PTPN13: variants seen among roughly 807,000 people sequenced by gnomAD.
PTPN13 encodes tyrosine-protein phosphatase non-receptor type 13.
In PTPN13, 191 loss-of-function variants were observed where a neutral mutation model predicts 284.0. That is an observed-to-expected ratio of 0.67 (90% CI 0.60 to 0.76). The LOEUF is 0.76. Among genes scored for constraint, PTPN13 ranks in the 30% least tolerant of loss-of-function variants. The pLI, the probability that PTPN13 is intolerant of heterozygous loss-of-function variation, is 0.00. For synonymous variants in PTPN13, 986 were observed against 1,022.3 expected, an observed-to-expected ratio of 0.96 and a Z score of 0.68; for missense variants, 2,797 against 2,939.9, an observed-to-expected ratio of 0.95 and a Z score of 1.12.
intron 41 of PTPN13, among the ~76,000 whole-genome samples, chr4:86,798,542 C>T (rs1370172530): frequency 6.6e-6 from 1 of 152,046 alleles, no homozygotes; most frequent in Admixed American, 6.6e-5. Flanking sequence ...CGTTCTCCTA[C>T]CTAGTTTCTC....
chr4:86,717,112 A>G lies in PTPN13; in HGVS notation c.1380A>G (p.Arg460=), dbSNP rs752497992. ...CCTTAAGTCAAGGCCAGTCACAGAG[A>G]CCGAGGTATGTCATGAAAAAGTAGT... is the stretch of plus-strand genomic sequence containing the variant. ...DETLSQGQSQ[R]PSRQYETPFE... Residue 460 remains arginine (R), a synonymous_variant, in exon 9 of 48, where the codon AGA becomes AGG. Transcript: ENST00000411767. The G allele has an allele frequency of 6.2e-7, 1 of 1,607,650 alleles. No homozygotes were observed. Among genetic ancestry groups the G allele is most frequent in the Admixed American group, 1.7e-5 (1 of 59,914 alleles).
intron 2 of PTPN13, among the ~76,000 whole-genome samples, chr4:86,656,700 T>C (rs2086541): frequency 0.83 from 126,442 of 152,204 alleles, 52,873 homozygotes; most frequent in East Asian, 0.89. Flanking sequence ...GCAGTCTGTC[T>C]GTTCTCAGAT....
intron 3 of PTPN13, among the ~76,000 whole-genome samples, chr4:86,676,326 T>G (rs943184630): frequency 3.3e-5 from 5 of 152,216 alleles, no homozygotes; most frequent in Non-Finnish European, 5.9e-5. Flanking sequence ...CTCACATCCA[T>G]TACAATGGCT....
At chr4:86,768,004 C>T in intron 28 of PTPN13, 28 bp downstream of exon 28, 1 of 1,583,000 alleles carries the variant, frequency 6.3e-7, no homozygotes. Flanking sequence ...TACAATCTCA[C>T]CTTTAAATTA....
At chr4:86,717,138 G>A (rs755730500) in intron 9 of PTPN13, 21 bp downstream of exon 9, 3 of 1,509,812 alleles carry the variant, frequency 2.0e-6, no homozygotes, top group East Asian at 2.3e-5. Context: ...AAAAAGTAGT[G>A]ATGATACATT....
At chr4:86,718,454 A>ATTTTTTTTTTTTTTTTTTT (rs1309592486) in intron 9 of PTPN13, among the ~76,000 whole-genome samples, 1 of 136,064 alleles carries the variant, frequency 7.3e-6, no homozygotes, top group Non-Finnish European at 1.7e-5. Context: ...TTAATGGTCC[A>ATTTTTTTTTTTTTTTTTTT]CTTTTTTTTT....
chr4:86,636,987 T>C (rs1723099450), intron 2 of PTPN13, among the ~76,000 whole-genome samples: 1 of 151,498 alleles, frequency 6.6e-6, no homozygotes, highest in African/African-American at 2.4e-5. Context: ...TAAAAAATGA[T>C]AAAGGGGATA....
chr4:86,754,731 T>C (rs1444469123), intron 20 of PTPN13, among the ~76,000 whole-genome samples: 1 of 152,066 alleles, frequency 6.6e-6, no homozygotes, highest in Non-Finnish European at 1.5e-5. Context: ...TTAAATGTGT[T>C]TTAGCTTAGA....
intron 7 of PTPN13, among the ~76,000 whole-genome samples, chr4:86,705,399 A>G (rs965993362): frequency 1.3e-5 from 2 of 151,824 alleles, no homozygotes; most frequent in East Asian, 3.9e-4. Context: ...TTTAGCTACT[A>G]TACAAAGAAA....
At chr4:86,701,900 C>A in intron 7 of PTPN13, 99 bp downstream of exon 7, 1 of 1,222,444 alleles carries the variant, frequency 8.2e-7, no homozygotes, top group Non-Finnish European at 1.1e-6. Flanking sequence ...GTCTTATTTT[C>A]ACTGCCAAAT....
Position 86,775,300 on chromosome 4 carries a change from T to C in PTPN13, c.5638T>C (p.Leu1880=), listed in dbSNP as rs2149286986. 2 of 1,613,356 alleles carry C rather than the reference T, an allele frequency of 1.2e-6. No homozygotes were observed. The highest frequency in any genetic ancestry group is 4.5e-5 in the East Asian group (2 of 44,874). Residue 1880 remains leucine (L), a synonymous_variant, in exon 34 of 48, where the codon TTG becomes CTG. Transcript: ENST00000411767. The part of the protein sequence containing the change: ...ELPRIPMLPH[L]LPDITLTCNK... ...ACCCAGAATACCAATGTTGCCTCAT[T>C]TGCTACCGGACATAACACTAACGTG... is the stretch of plus-strand genomic sequence containing the variant.
intron 1 of PTPN13, among the ~76,000 whole-genome samples, chr4:86,611,649 A>C (rs549928536): frequency 7.5e-4 from 114 of 152,318 alleles, no homozygotes; most frequent in Admixed American, 3.6e-3. Context: ...ACCTCTACTT[A>C]CTACCTTGAG....
intron 3 of PTPN13, among the ~76,000 whole-genome samples, chr4:86,674,606 C>CTCATGAA (rs1276410192): frequency 2.6e-5 from 4 of 152,054 alleles, no homozygotes; most frequent in South Asian, 2.1e-4. Context: ...ATTCCATGAG[C>CTCATGAA]TACTTAAGAA....
chr4:86,769,874 G>A lies in PTPN13; in HGVS notation c.4595G>A (p.Arg1532Lys). The change falls in exon 29 of 48, where the codon AGG becomes AAG. Residue 1532 changes from arginine to lysine, a missense_variant. Coordinates refer to ENST00000411767, the MANE Select transcript of PTPN13 (RefSeq NM_080683.3). ...IPEQINASIV[R>K]VKKLFPGQPA... The stretch of plus-strand genomic sequence containing the variant: ...GAGCAAATTAATGCCAGCATAGTAA[G>A]GGTTAAAAAGCTCTTTCCTGGACAG... 6.2e-7 allele frequency: 1 copy of A among 1,613,884 alleles called. No individual in the cohort carries two copies. The highest frequency in any genetic ancestry group is 8.5e-7 in the Non-Finnish European group (1 of 1,179,834).
In PTPN13 at chr4:86,775,475, A is replaced by G; in HGVS notation, c.5714A>G (p.Tyr1905Cys). Residue 1905 changes from tyrosine to cysteine, a missense_variant, in exon 35 of 48, where the codon TAT (tyrosine) becomes TGT (cysteine). Transcript: ENST00000411767. ...FSLCGGHDSL[Y>C]QVVYISDINP... ...TTATGTGGAGGTCATGACAGCCTTT[A>G]TCAAGTGGTATATATTAGTGATATT... 2.5e-6 allele frequency: 4 copies of G among 1,609,348 alleles called. No homozygotes were observed. The highest frequency in any genetic ancestry group is 3.4e-6 in the Non-Finnish European group (4 of 1,175,754).
chr4:86,801,082 G>A (rs750909893), intron 42 of PTPN13, among the ~76,000 whole-genome samples: 19 of 152,174 alleles, frequency 1.2e-4, no homozygotes, highest in African/African-American at 1.9e-4. Context: ...ATAGCAAGAC[G>A]TTTCCCTTCC....
At chr4:86,751,003 C>T (rs1224681269) in intron 18 of PTPN13, 24 bp from the exon 19 acceptor site, 1 of 1,578,260 alleles carries the variant, frequency 6.3e-7, no homozygotes, top group South Asian at 1.1e-5. Context: ...ACACTTCCCT[C>T]CTACCTTCCT....
intron 2 of PTPN13, among the ~76,000 whole-genome samples, chr4:86,646,714 C>G (rs1724470431): frequency 6.6e-6 from 1 of 152,196 alleles, no homozygotes. Context: ...CTCCTAGTTA[C>G]TTACTTAAAA....
rs928065491 is a variant in PTPN13, at chr4:86,730,763, G to A, written c.1609-1637G>A. 2.3e-5 allele frequency among the ~76,000 whole-genome samples: 3 copies of A among 129,318 alleles called. No individual in the cohort carries two copies. In the East Asian group the frequency reaches 5.9e-4, roughly 25 times the overall value. 84.8% of individuals were successfully genotyped at this position (129,318 alleles called of 152,430 possible). ...TCCCTCTATCCCTTGGGCTTCCTGG[G>A]TGAGGTGATGCCCCGTCCGGCTTCA... is the stretch of plus-strand genomic sequence containing the variant. On this transcript the variant is annotated intron_variant, in intron 10 of 47. Transcript: ENST00000411767.
Sources: gnomAD v4.1 joint callset for allele counts (sites outside exome capture counted in the v4.1 genomes callset) on GRCh38, gnomAD v4.1.1 for gene constraint, MANE v1.5 for transcripts, NCBI Gene and HGNC (gene_info 2026-07-23, HGNC 2026-07-21) for gene names.